Variants in KLHL3 observed in about 807,000 individuals in gnomAD.
KLHL3 encodes the protein kelch-like protein 3.
A neutral mutation model predicts 70.5 loss-of-function variants in KLHL3; 19 were observed. That is an observed-to-expected ratio of 0.27 (90% confidence interval 0.19 to 0.40). KLHL3 has a LOEUF of 0.40. KLHL3 is among the 10% of genes least tolerant of loss of function. The probability of loss-of-function intolerance (pLI) is 1.00; values close to 1 mark genes in which losing one functional copy is unlikely to be tolerated. For missense variants in KLHL3, 512 were observed against 771.1 expected, an observed-to-expected ratio of 0.66 and a Z score of 3.98; for synonymous variants, 258 against 290.3, an observed-to-expected ratio of 0.89 and a Z score of 1.13.
chr5:137,639,222 G>A lies in KLHL3; in HGVS notation c.1022-72C>T. 1.4e-6 allele frequency: 2 copies of A among 1,449,718 alleles called. No homozygotes were observed. Among genetic ancestry groups the A allele is most frequent in the South Asian group, 1.2e-5 (1 of 82,884 alleles). 89.8% of individuals were successfully genotyped at this position (1,449,718 alleles called of 1,614,324 possible). ...CTGCTCATGTTGATGGATGGCAATG[G>A]AGGAGCAAGACAGACACAGGAAAAG... On this transcript the variant is annotated intron_variant, in intron 9 of 14. Coordinates refer to ENST00000309755, the MANE Select transcript of KLHL3 (RefSeq NM_017415.3). This position sits in a 1 kb window ranked among gnomAD's most constrained non-coding sequence, Gnocchi z 5.0.
At chr5:137,627,246 A>T (rs1342511142) in intron 13 of KLHL3, among the ~76,000 whole-genome samples, 4 of 152,176 alleles carry the variant, frequency 2.6e-5, no homozygotes, top group East Asian at 1.9e-4. Flanking sequence ...GAGTTTTTTT[A>T]AAAAACAGGT....
At chr5:137,665,582 G>A (rs1217018974) in intron 6 of KLHL3, among the ~76,000 whole-genome samples, 3 of 152,142 alleles carry the variant, frequency 2.0e-5, no homozygotes, top group East Asian at 1.9e-4. Context: ...CAAACCTACA[G>A]TAGGTTTTTA....
At chr5:137,637,238 AG>A (rs1268230903) in intron 11 of KLHL3, 55 bp downstream of exon 11, 24 of 1,433,334 alleles carry the variant, frequency 1.7e-5, no homozygotes, top group Non-Finnish European at 2.3e-5. Flanking sequence ...TGCTGGACCC[AG>A]GACAAGGCCC....
At chr5:137,628,718 C>CAG (rs1561581566) in intron 12 of KLHL3, 105 of 103,816 alleles carry the variant, frequency 1.0e-3, no homozygotes, top group East Asian at 1.1e-3. Context: ...TATATACACA[C>CAG]ACACAGACAG....
chr5:137,622,943 G>A (rs531095513), intron 14 of KLHL3, among the ~76,000 whole-genome samples: 1 of 152,316 alleles, frequency 6.6e-6, no homozygotes, highest in African/African-American at 2.4e-5. Context: ...GATGTGCCAC[G>A]TGACCCAGTG....
chr5:137,706,144 T>C (rs762347772), intron 3 of KLHL3: 6 of 985,372 alleles, frequency 6.1e-6, no homozygotes, highest in East Asian at 1.1e-4. Flanking sequence ...TTGGGCAACA[T>C]GAACTCGGAA....
chr5:137,679,841 G>A (rs1372291053), intron 5 of KLHL3, among the ~76,000 whole-genome samples: 1 of 152,230 alleles, frequency 6.6e-6, no homozygotes, highest in Non-Finnish European at 1.5e-5. Context: ...GGGGCAACAA[G>A]AGAAATAGCA....
intron 10 of KLHL3, among the ~76,000 whole-genome samples, chr5:137,638,321 G>C (rs914279395): frequency 1.3e-5 from 2 of 152,196 alleles, no homozygotes; most frequent in Admixed American, 1.3e-4. Flanking sequence ...TTACCTCCCT[G>C]GGGGCCAAAG....
chr5:137,684,116 A>T (rs1341128955), intron 5 of KLHL3, among the ~76,000 whole-genome samples: 1 of 152,220 alleles, frequency 6.6e-6, no homozygotes, highest in Non-Finnish European at 1.5e-5. Context: ...TCACTCTGGC[A>T]CTGCCACTTA....
chr5:137,710,954 T>C (rs930881918), intron 2 of KLHL3, among the ~76,000 whole-genome samples: 2 of 152,182 alleles, frequency 1.3e-5, no homozygotes, highest in African/African-American at 2.4e-5. Flanking sequence ...CCAGAACCCA[T>C]GCTCTTCATT....
rs2149892867 is a variant in KLHL3, at chr5:137,652,485, A to G, written c.903+5646T>C. Among the ~76,000 whole-genome samples, 3 of 152,374 alleles carry G rather than the reference A, an allele frequency of 2.0e-5. No individual in the cohort carries two copies. In the Middle Eastern group the frequency reaches 0.01, roughly 518 times the overall value. On this transcript the variant is annotated intron_variant, in intron 8 of 14. Coordinates refer to ENST00000309755, the MANE Select transcript of KLHL3 (RefSeq NM_017415.3). ...TTTAGTAGAATACTATTTAGCCTTA[A>G]AAAAGAAGGAAATCCTGTCATCTGT...
intron 1 of KLHL3, among the ~76,000 whole-genome samples, chr5:137,731,284 T>C (rs1753169404): frequency 6.6e-6 from 1 of 152,188 alleles, no homozygotes; most frequent in South Asian, 2.1e-4. Context: ...ATTATCATGG[T>C]TGAAATGCGT....
chr5:137,725,034 A>G (rs183959930), intron 1 of KLHL3: 1 of 985,164 alleles, frequency 1.0e-6, no homozygotes, highest in East Asian at 1.1e-4. Context: ...TTACCATTTC[A>G]TCCCCTAAAC....
chr5:137,628,189 T>A, intron 13 of KLHL3, 108 bp downstream of exon 13: 1 of 1,381,666 alleles, frequency 7.2e-7, no homozygotes, highest in Non-Finnish European at 1.0e-6. Context: ...GTTCAGGATA[T>A]ACGCTCAGCT....
At chr5:137,653,241 C>T (rs1471758829) in intron 8 of KLHL3, among the ~76,000 whole-genome samples, 2 of 151,678 alleles carry the variant, frequency 1.3e-5, no homozygotes, top group African/African-American at 2.4e-5. Flanking sequence ...CAGAGTAAGA[C>T]TCCGTCTCAA....
chr5:137,729,402 A>G (rs1753136046), intron 1 of KLHL3, among the ~76,000 whole-genome samples: 1 of 152,210 alleles, frequency 6.6e-6, no homozygotes, highest in African/African-American at 2.4e-5. Flanking sequence ...TTTAATCATC[A>G]GATATCGTCA....
intron 5 of KLHL3, 85 bp downstream of exon 5, chr5:137,692,200 C>T: frequency 1.6e-6 from 2 of 1,229,562 alleles, no homozygotes; most frequent in Non-Finnish European, 2.3e-6. Context: ...GAGACCACTT[C>T]TCATAATCTT....
intron 12 of KLHL3, chr5:137,629,403 C>G (rs2149878720): frequency 6.6e-6 from 1 of 152,340 alleles, no homozygotes; most frequent in South Asian, 2.1e-4. Context: ...CATGGGCAGG[C>G]TGCATCTCAA....
At chr5:137,704,235 A>C (rs1000763568) in intron 3 of KLHL3, among the ~76,000 whole-genome samples, 2 of 152,012 alleles carry the variant, frequency 1.3e-5, no homozygotes, top group Non-Finnish European at 2.9e-5. Context: ...AATACAAAAA[A>C]TTAGCCGGGC....
Sources: allele counts gnomAD v4.1 joint callset (sites outside exome capture counted in the v4.1 genomes callset), GRCh38; gene constraint gnomAD v4.1.1; non-coding constraint Gnocchi (gnomAD v3.1); transcripts MANE v1.5; gene names NCBI Gene and HGNC (gene_info 2026-07-23, HGNC 2026-07-21).